Variants in RBFOX3 observed in about 807,000 individuals in gnomAD.
The protein encoded by RBFOX3 is RNA binding protein fox-1 homolog 3.
A neutral mutation model predicts 48.7 loss-of-function variants in RBFOX3; 17 were observed. The observed-to-expected ratio is 0.35, with a 90% confidence interval of 0.24 to 0.52. RBFOX3 has a LOEUF of 0.52. Among genes scored for constraint, RBFOX3 ranks in the 20% least tolerant of loss-of-function variants. The probability of loss-of-function intolerance (pLI) is 0.94; values close to 1 mark genes in which losing one functional copy is unlikely to be tolerated. For synonymous variants in RBFOX3, 212 were observed against 209.5 expected (o/e 1.01, Z -0.10); for missense variants, 382 against 497.5 (o/e 0.77, Z 2.21).
chr17:79,620,484 C>A, the RBFOX3 span, among the ~76,000 whole-genome samples: 4 of 147,260 alleles, frequency 2.7e-5, no homozygotes, highest in Admixed American at 2.0e-4. Context: ...CACACACGCA[C>A]GTGCACACAC....
At chr17:79,336,069 C>G (rs1021063393) in intron 2 of RBFOX3, among the ~76,000 whole-genome samples, 2 of 152,170 alleles carry the variant, frequency 1.3e-5, no homozygotes, top group African/African-American at 4.8e-5. Flanking sequence ...CTTCATTTCA[C>G]CCCATCACAC....
intron 6 of RBFOX3, among the ~76,000 whole-genome samples, chr17:79,105,255 C>T (rs368206709): frequency 6.6e-6 from 1 of 152,196 alleles, no homozygotes; most frequent in African/African-American, 2.4e-5. Context: ...TGCAGGGACC[C>T]AGGGAGCTGA....
rs1192240247 is a variant in RBFOX3 at position 79,214,314 on chromosome 17, A to G, written c.-34+21452T>C. Among the ~76,000 whole-genome samples the G allele has an allele frequency of 6.6e-6, 1 of 152,184 alleles. No individual in the cohort carries two copies. Among genetic ancestry groups the G allele is most frequent in the East Asian group, 1.9e-4 (1 of 5,192 alleles). On this transcript the variant is annotated intron_variant, in intron 4 of 14. Transcript: ENST00000693108. The surrounding 1 kb of genome is among the most constrained non-coding windows in gnomAD (Gnocchi z 4.7). ...CACTTTGCTTAATGATTTTTAATAAAAATCAGACATGGTCATGGAGGTGCC... is the reference window on the plus strand; with the variant it reads ...CACTTTGCTTAATGATTTTTAATAAGAATCAGACATGGTCATGGAGGTGCC...
Position 79,477,126 on chromosome 17 carries a change from G to A in RBFOX3, c.-175+5328C>T, listed in dbSNP as rs374181095. On this transcript the variant is annotated intron_variant, in intron 2 of 14. Transcript: ENST00000693108. The surrounding 1 kb of genome is among the most constrained non-coding windows in gnomAD (Gnocchi z 4.8). Reference sequence around the variant, plus strand: ...TGGGCGCCTGTAATCCCAGTTACTCGGGAAGCTGAGGCAGGAGAATCTCTT... The same window carrying A: ...TGGGCGCCTGTAATCCCAGTTACTCAGGAAGCTGAGGCAGGAGAATCTCTT... Among the ~76,000 whole-genome samples the A allele has an allele frequency of 3.6e-4, 54 of 151,522 alleles. No homozygotes were observed. Among genetic ancestry groups the A allele is most frequent in the African/African-American group, 8.0e-4 (33 of 41,288 alleles).
chr17:79,111,824 C>A lies in RBFOX3; in HGVS notation c.222+3670G>T, dbSNP rs1433598631. Among the ~76,000 whole-genome samples, 1 of 152,232 alleles carries A rather than the reference C, an allele frequency of 6.6e-6. No individual in the cohort carries two copies. The highest frequency in any genetic ancestry group is 1.5e-5 in the Non-Finnish European group (1 of 68,044). ...GACCCCGAGTGAGTGAATACATGCT[C>A]CAGATGGTGACCCCTGCTGGGGAAC... On this transcript the variant is annotated intron_variant, in intron 5 of 14. Transcript: ENST00000693108. The surrounding 1 kb of genome is among the most constrained non-coding windows in gnomAD (Gnocchi z 4.2).
Position 79,095,500 on chromosome 17 carries a change from C to T in RBFOX3, c.998+13G>A, listed in dbSNP as rs765108817. ...CCACCCTGCTCCAGAACAGTGCTGG[C>T]CCCCGGCCTCACCTGTCGCTGTAGG... On this transcript the variant is annotated intron_variant, in intron 13 of 14. Coordinates refer to ENST00000693108, the MANE Select transcript of RBFOX3 (RefSeq NM_001350451.2). The T allele has an allele frequency of 2.3e-5, 35 of 1,548,570 alleles. No homozygotes were observed. In the Middle Eastern group the frequency reaches 5.0e-4, roughly 22 times the overall value.
chr17:79,337,795 A>T (rs2081422138), intron 2 of RBFOX3, among the ~76,000 whole-genome samples: 1 of 152,124 alleles, frequency 6.6e-6, no homozygotes, highest in Non-Finnish European at 1.5e-5. Context: ...AAAGAAAAGA[A>T]AATACAGTTG....
At chr17:79,092,368 T>C in intron 14 of RBFOX3, 1 of 985,594 alleles carries the variant, frequency 1.0e-6, no homozygotes, top group Non-Finnish European at 1.2e-6. Context: ...GTTGCAGACA[T>C]ACAGGAAAAA....
chr17:79,524,469 C>T (rs1371916341), intron 1 of RBFOX3, among the ~76,000 whole-genome samples: 5 of 152,204 alleles, frequency 3.3e-5, no homozygotes, highest in East Asian at 3.9e-4. Context: ...ACTCTCACGG[C>T]GGGCATTTAG....
At chr17:79,629,654 G>A in the RBFOX3 span, among the ~76,000 whole-genome samples, 1 of 152,128 alleles carries the variant, frequency 6.6e-6, no homozygotes, top group African/African-American at 2.4e-5. Flanking sequence ...TTTACCCTAA[G>A]GAGAAACTCA....
intron 6 of RBFOX3, among the ~76,000 whole-genome samples, chr17:79,104,672 A>G (rs967256747): frequency 6.6e-6 from 1 of 152,210 alleles, no homozygotes; most frequent in African/African-American, 2.4e-5. Flanking sequence ...ATGAGTGTCC[A>G]TTAGGGACAA....
At chr17:79,138,989 TCA>T (rs1167454810) in intron 4 of RBFOX3, among the ~76,000 whole-genome samples, 8 of 34,388 alleles carry the variant, frequency 2.3e-4, no homozygotes, top group African/African-American at 1.1e-3. Context: ...TCACACCCCC[TCA>T]CACACATGCA....
Position 79,477,383 on chromosome 17 carries a change from C to T in RBFOX3, c.-175+5071G>A, listed in dbSNP as rs368299831. ...CATCCTGGCTAACACGGTGAAACCC[C>T]GTCTCTACTAAAAATACAAAACATT... On this transcript the variant is annotated intron_variant, in intron 2 of 14. Transcript: ENST00000693108. This position sits in a 1 kb window ranked among gnomAD's most constrained non-coding sequence, Gnocchi z 4.8. 2.2e-4 allele frequency among the ~76,000 whole-genome samples: 34 copies of T among 151,702 alleles called. No homozygotes were observed. Among genetic ancestry groups the T allele is most frequent in the East Asian group, 5.8e-4 (3 of 5,162 alleles).
intron 9 of RBFOX3, 106 bp downstream of exon 9, chr17:79,101,478 G>T: frequency 9.8e-7 from 1 of 1,021,912 alleles, no homozygotes; most frequent in Non-Finnish European, 1.5e-6. Flanking sequence ...GGGGACGGAG[G>T]CTGCCTAGGA....
the RBFOX3 span, among the ~76,000 whole-genome samples, chr17:79,619,776 C>A: frequency 6.6e-6 from 1 of 152,092 alleles, no homozygotes; most frequent in East Asian, 1.9e-4. Flanking sequence ...AGGAAGCACT[C>A]CAGGGACAAG....
the RBFOX3 span, among the ~76,000 whole-genome samples, chr17:79,624,714 C>T: frequency 3.9e-5 from 6 of 152,154 alleles, no homozygotes; most frequent in East Asian, 1.2e-3. Context: ...AAGGGCCCTG[C>T]CGACCCTCCA....
intron 2 of RBFOX3, among the ~76,000 whole-genome samples, chr17:79,474,425 C>T (rs932867575): frequency 4.0e-4 from 61 of 152,300 alleles, no homozygotes; most frequent in African/African-American, 1.4e-3. Context: ...TCCTGGAACA[C>T]GAGGACTAAC....
At chr17:79,589,355 C>T (rs2145043499) in intron 1 of RBFOX3, among the ~76,000 whole-genome samples, 1 of 152,266 alleles carries the variant, frequency 6.6e-6, no homozygotes, top group Non-Finnish European at 1.5e-5. Context: ...TGGCTCACCC[C>T]AGCCAAGTGC....
chr17:79,548,281 T>TG (rs1210588504), intron 1 of RBFOX3, among the ~76,000 whole-genome samples: 1 of 152,072 alleles, frequency 6.6e-6, no homozygotes, highest in Admixed American at 6.5e-5. Context: ...ACCAGAGCAC[T>TG]GGGGTCTCGG....
Sources: gnomAD v4.1 joint callset for allele counts (sites outside exome capture counted in the v4.1 genomes callset) on GRCh38, gnomAD v4.1.1 for gene constraint, Gnocchi (gnomAD v3.1) non-coding constraint, MANE v1.5 for transcripts, NCBI Gene and HGNC (gene_info 2026-07-23, HGNC 2026-07-21) for gene names.